LIN7A: variants seen among roughly 807,000 people sequenced by gnomAD.
The protein encoded by LIN7A is lin-7 cell polarity scaffold A.
In LIN7A, 25 loss-of-function variants were observed where a neutral mutation model predicts 29.8. The observed-to-expected ratio is 0.84, with a 90% CI of 0.61 to 1.17. The LOEUF (loss-of-function observed/expected upper bound fraction) is 1.17, where lower values mean the gene tolerates loss of function less well. Ranked by LOEUF, LIN7A falls within the 50% of genes most tolerant of loss-of-function variation. The pLI, the probability that LIN7A is intolerant of heterozygous loss-of-function variation, is 0.00. For synonymous variants in LIN7A, 118 were observed against 107.5 expected, an observed-to-expected ratio of 1.10 and a Z score of -0.60; for missense variants, 239 against 287.0, an observed-to-expected ratio of 0.83 and a Z score of 1.21.
intron 2 of LIN7A, among the ~76,000 whole-genome samples, chr12:80,858,090 A>C (rs1375253306): frequency 1.3e-5 from 2 of 152,208 alleles, no homozygotes; most frequent in Non-Finnish European, 2.9e-5. Flanking sequence ...CACAGTCTTC[A>C]AAAGTGTCTA....
At chr12:80,841,362 A>G (rs1592883821) in intron 4 of LIN7A, among the ~76,000 whole-genome samples, 1 of 129,282 alleles carries the variant, frequency 7.7e-6, no homozygotes, top group Non-Finnish European at 1.7e-5. Context: ...GAAGGAAGGA[A>G]GGAAGGAAGG....
chr12:80,867,173 C>T (rs1874185195), intron 2 of LIN7A, among the ~76,000 whole-genome samples: 2 of 152,072 alleles, frequency 1.3e-5, no homozygotes, highest in South Asian at 4.1e-4. Context: ...TCTTGAGCTC[C>T]TGGCCTCAAG....
At chr12:80,859,840 A>G (rs1024293574) in intron 2 of LIN7A, among the ~76,000 whole-genome samples, 1 of 152,160 alleles carries the variant, frequency 6.6e-6, no homozygotes, top group African/African-American at 2.4e-5. Context: ...ACTATTAACA[A>G]TCTATCATAC....
At chr12:80,862,543 T>G (rs1008782746) in intron 2 of LIN7A, among the ~76,000 whole-genome samples, 4 of 152,194 alleles carry the variant, frequency 2.6e-5, no homozygotes, top group Non-Finnish European at 2.9e-5. Context: ...TATTGTTGAT[T>G]TGCTAACATT....
At chr12:80,905,448 A>G (rs905819757) in intron 1 of LIN7A, among the ~76,000 whole-genome samples, 3 of 152,238 alleles carry the variant, frequency 2.0e-5, no homozygotes, top group Non-Finnish European at 4.4e-5. Context: ...CATATGGTAA[A>G]TCATCCACAG....
At chr12:80,848,169 A>C in intron 3 of LIN7A, 82 bp downstream of exon 3, 1 of 1,011,140 alleles carries the variant, frequency 9.9e-7, no homozygotes, top group Non-Finnish European at 1.6e-6. Context: ...TGTACACACG[A>C]GAATACCTGA....
intron 2 of LIN7A, among the ~76,000 whole-genome samples, chr12:80,872,962 T>C (rs187041552): frequency 7.5e-4 from 114 of 152,312 alleles, no homozygotes; most frequent in African/African-American, 2.6e-3. Flanking sequence ...AATTCTTTAA[T>C]TTTGCTTGAC....
intron 5 of LIN7A, among the ~76,000 whole-genome samples, chr12:80,804,389 C>T (rs1870870948): frequency 6.6e-6 from 1 of 152,078 alleles, no homozygotes; most frequent in Non-Finnish European, 1.5e-5. Context: ...TTCCCAGCCT[C>T]TGGTAACCAT....
chr12:80,834,375 C>T (rs547813791), intron 4 of LIN7A, among the ~76,000 whole-genome samples: 20 of 152,244 alleles, frequency 1.3e-4, no homozygotes, highest in Admixed American at 3.9e-4. Context: ...TGATAATAGG[C>T]ACCTCTGTAA....
chr12:80,845,637 T>G (rs1873035351), intron 4 of LIN7A, 93 bp downstream of exon 4: 4 of 960,134 alleles, frequency 4.2e-6, no homozygotes, highest in Non-Finnish European at 6.3e-6. Context: ...TGAATATTTA[T>G]TCTAGGTTTT....
At chr12:80,923,897 T>C (rs1282849200) in intron 1 of LIN7A, among the ~76,000 whole-genome samples, 1 of 152,232 alleles carries the variant, frequency 6.6e-6, no homozygotes, top group East Asian at 1.9e-4. Flanking sequence ...GTTTTGTATT[T>C]TGTTTGTTGT....
chr12:80,865,618 C>A (rs1874097482), intron 2 of LIN7A, among the ~76,000 whole-genome samples: 1 of 152,142 alleles, frequency 6.6e-6, no homozygotes, highest in African/African-American at 2.4e-5. Flanking sequence ...CACTTTGGGG[C>A]TGAAAGGTGA....
At chr12:80,876,891 G>A (rs1874731911) in intron 2 of LIN7A, among the ~76,000 whole-genome samples, 1 of 152,098 alleles carries the variant, frequency 6.6e-6, no homozygotes, top group Non-Finnish European at 1.5e-5. Context: ...GGAGGCCGAG[G>A]CGGGCGGATT....
At chr12:80,877,765 C>T (rs2120552617) in intron 2 of LIN7A, among the ~76,000 whole-genome samples, 1 of 152,000 alleles carries the variant, frequency 6.6e-6, no homozygotes, top group East Asian at 1.9e-4. Flanking sequence ...CTATTTGTAA[C>T]TTAACATTCA....
At chr12:80,834,136 G>A (rs189925099) in intron 4 of LIN7A, among the ~76,000 whole-genome samples, 3 of 152,068 alleles carry the variant, frequency 2.0e-5, no homozygotes, top group African/African-American at 2.4e-5. Context: ...CATTTTACTC[G>A]ATTTTTAAGT....
intron 1 of LIN7A, chr12:80,937,273 G>A: frequency 4.6e-6 from 1 of 217,462 alleles, no homozygotes; most frequent in Non-Finnish European, 9.0e-6. Context: ...GGCCGGGCGA[G>A]CTTGCTCTCT....
chr12:80,845,999 C>A, intron 3 of LIN7A, 60 bp from the exon 4 acceptor site: 1 of 1,460,434 alleles, frequency 6.8e-7, no homozygotes, highest in South Asian at 1.4e-5. Flanking sequence ...AAAGGCTAAT[C>A]ATATGCTTTG....
In LIN7A at chr12:80,853,835, C is replaced by T. The variant is rs148692101; in HGVS notation, c.202-5513G>A. On this transcript the variant is annotated intron_variant, in intron 2 of 5. Transcript: ENST00000552864. ...TCTCAGCCTCCTGAGTAGCTTACAG[C>T]CGTCCACCACCATGCCCAGCTAATT... Among the ~76,000 whole-genome samples, 500 of 152,166 alleles carry T rather than the reference C, an allele frequency of 3.3e-3. 1 individual carries two copies. The highest frequency in any genetic ancestry group is 5.5e-3 in the Non-Finnish European group (377 of 67,996).
At chr12:80,842,093 G>T in intron 4 of LIN7A, 1 of 1,287,370 alleles carries the variant, frequency 7.8e-7, no homozygotes, top group Non-Finnish European at 1.0e-6. Context: ...TTGCTGAGCT[G>T]ACATGAGTTT....
Sources: gnomAD v4.1 joint callset for allele counts (sites outside exome capture counted in the v4.1 genomes callset) on GRCh38, gnomAD v4.1.1 for gene constraint, MANE v1.5 for transcripts, NCBI Gene and HGNC (gene_info 2026-07-23, HGNC 2026-07-21) for gene names.